Variants in OR2H1 observed in about 807,000 individuals in gnomAD.
The protein encoded by OR2H1 is olfactory receptor 2H1.
For missense variants in OR2H1, 380 were observed against 367.3 expected (o/e 1.03, Z -0.28); for synonymous variants, 155 against 155.2 (o/e 1.00, Z 0.01).
Position 29,462,444 on chromosome 6 carries a change from G to T in OR2H1, c.675G>T (p.Arg225Ser). ...GAGCCACTGCCCAGGCAGTGCTGAG[G>T]ATTAACTCTGCCACAGCATGGAGAA... ...SYGATAQAVL[R>S]INSATAWRKA... The change falls in exon 4 of 4, where the codon AGG (arginine) becomes AGT (serine). Residue 225 changes from arginine (R) to serine (S), a missense_variant. By Grantham distance (110) the Arg-to-Ser change is moderately radical. Transcript: ENST00000377133. The T allele has an allele frequency of 6.2e-7, 1 of 1,613,112 alleles. No individual in the cohort carries two copies. Among genetic ancestry groups the T allele is most frequent in the Non-Finnish European group, 8.5e-7 (1 of 1,180,024 alleles).
Position 29,462,126 on chromosome 6 carries a change from C to T in OR2H1, c.357C>T (p.Asp119=). 6.2e-7 allele frequency: 1 copy of T among 1,613,674 alleles called. No individual in the cohort carries two copies. Among genetic ancestry groups the T allele is most frequent in the African/African-American group, 1.3e-5 (1 of 75,014 alleles). The change falls in exon 4 of 4, where the codon GAC becomes GAT. Residue 119 remains aspartate (D), a synonymous_variant. Transcript: ENST00000377133. ...TCCTCCTGACAGTGATGGCCTTTGA[C>T]CGATACGTGGCTGTCTGCCAGCCCC... ...ECILLTVMAF[D]RYVAVCQPLH...
In OR2H1 at chr6:29,461,834, A is replaced by T; in HGVS notation, c.65A>T (p.Glu22Val). The T allele has an allele frequency of 6.2e-7, 1 of 1,613,040 alleles. No homozygotes were observed. ...LLGFSEHPAL[E>V]RTLFVVVFTS... ...GGCTTCTCTGAACACCCAGCACTGG[A>T]AAGGACTCTCTTTGTGGTTGTCTTC... Residue 22 changes from glutamate (E) to valine (V), a missense_variant, in exon 4 of 4, where the codon GAA (glutamate) becomes GTA (valine). By Grantham distance (121) the Glu-to-Val change is moderately radical (BLOSUM62 -2). Transcript: ENST00000377133.
rs1475108939 is a variant in OR2H1, at chr6:29,464,176, T to A, written c.*1456T>A. ...AAAACTTAGCAAATCTATAATCACA[T>A]GCAAATACACAGAATGGATTGTTAC... On this transcript the variant is annotated 3_prime_UTR_variant, in exon 4 of 4. Coordinates refer to ENST00000377133, the MANE Select transcript of OR2H1 (RefSeq NM_030883.5). The A allele has an allele frequency of 6.0e-6, 1 of 167,072 alleles. No individual in the cohort carries two copies. The highest frequency in any genetic ancestry group is 1.9e-4 in the East Asian group (1 of 5,200). 10.3% of individuals were successfully genotyped at this position (167,072 alleles called of 1,614,324 possible).
At position 29,461,822 on chromosome 6, in the gene OR2H1, A is replaced by C; in HGVS notation, c.53A>C (p.His18Pro). The change falls in exon 4 of 4, where the codon CAC becomes CCC. Residue 18 changes from histidine (H) to proline (P), a missense_variant. Coordinates refer to ENST00000377133, the MANE Select transcript of OR2H1 (RefSeq NM_030883.5). ...TTCCTCCTTCTGGGCTTCTCTGAAC[A>C]CCCAGCACTGGAAAGGACTCTCTTT... ...MGFLLLGFSEHPALERTLFVV... is the reference protein window; with the variant it reads ...MGFLLLGFSEPPALERTLFVV... 1.2e-6 allele frequency: 2 copies of C among 1,612,940 alleles called. No individual in the cohort carries two copies.
chr6:29,457,763 G>A (rs1786599135), intron 1 of OR2H1, among the ~76,000 whole-genome samples: 2 of 152,198 alleles, frequency 1.3e-5, no homozygotes, highest in Non-Finnish European at 2.9e-5. Context: ...TTGAGAGGAA[G>A]GCTGGAAATA....
intron 2 of OR2H1, among the ~76,000 whole-genome samples, chr6:29,459,491 G>A (rs1185819121): frequency 6.6e-6 from 1 of 152,158 alleles, no homozygotes; most frequent in African/African-American, 2.4e-5. Flanking sequence ...TAATGATGGA[G>A]GAAGGAATAT....
Position 29,462,431 on chromosome 6 carries a change from A to C in OR2H1, c.662A>C (p.Gln221Pro), listed in dbSNP as rs1378735932. The change falls in exon 4 of 4, where the codon CAG becomes CCG. Residue 221 changes from glutamine (Q) to proline (P), a missense_variant. Physicochemically the swap from Gln to Pro is moderately conservative, Grantham distance 76. Transcript: ENST00000377133. ...CTTGCCTCTTATGGAGCCACTGCCCAGGCAGTGCTGAGGATTAACTCTGCC... is the reference window on the plus strand; with the variant it reads ...CTTGCCTCTTATGGAGCCACTGCCCCGGCAGTGCTGAGGATTAACTCTGCC... ...LILASYGATA[Q>P]AVLRINSATA... is the part of the protein sequence containing the mutation. 2 of 1,613,114 alleles carry C rather than the reference A, an allele frequency of 1.2e-6. No homozygotes were observed. The highest frequency in any genetic ancestry group is 2.2e-5 in the East Asian group (1 of 44,880).
chr6:29,458,100 AAAG>A (rs1049872953), intron 1 of OR2H1, among the ~76,000 whole-genome samples: 2 of 152,186 alleles, frequency 1.3e-5, no homozygotes, highest in Middle Eastern at 3.2e-3. Context: ...GGATTGAGGA[AAAG>A]AAGTCGTTAG....
rs1442525888 is a variant in OR2H1 at position 29,462,129 on chromosome 6, A to T, written c.360A>T (p.Arg120=). ...CILLTVMAFD[R]YVAVCQPLHY... is the part of the protein sequence containing the mutation. ...TCCTGACAGTGATGGCCTTTGACCG[A>T]TACGTGGCTGTCTGCCAGCCCCTCC... Residue 120 remains arginine (R), a synonymous_variant, in exon 4 of 4, where the codon CGA becomes CGT. Coordinates refer to ENST00000377133, the MANE Select transcript of OR2H1 (RefSeq NM_030883.5). 6.2e-7 allele frequency: 1 copy of T among 1,613,526 alleles called. No homozygotes were observed. Among genetic ancestry groups the T allele is most frequent in the African/African-American group, 1.3e-5 (1 of 74,966 alleles).
At position 29,463,019 on chromosome 6, in the gene OR2H1, A is replaced by T. The variant is rs1261266346; in HGVS notation, c.*299A>T. 1 of 420,762 alleles carries T rather than the reference A, an allele frequency of 2.4e-6. No individual in the cohort carries two copies. The highest frequency in any genetic ancestry group is 4.4e-6 in the Non-Finnish European group (1 of 228,596). The allele number at this position is 420,762 out of a possible 1,614,324, so 26.1% of individuals were successfully genotyped here. ...CTGTCATCACTTCTATAGATTTCCT[A>T]ACTCCACCATGCCTATTTCTGGTTA... On this transcript the variant is annotated 3_prime_UTR_variant, in exon 4 of 4. Transcript: ENST00000377133.
At chr6:29,459,520 G>A (rs1485078042) in intron 2 of OR2H1, among the ~76,000 whole-genome samples, 1 of 152,186 alleles carries the variant, frequency 6.6e-6, no homozygotes, top group Admixed American at 6.5e-5. Context: ...ACAAAAAGGA[G>A]GGAGTCTTGA....
chr6:29,462,036 C>A lies in OR2H1; in HGVS notation c.267C>A (p.Thr89=). Residue 89 remains threonine, a synonymous_variant, in exon 4 of 4, where the codon ACC becomes ACA. Coordinates refer to ENST00000377133, the MANE Select transcript of OR2H1 (RefSeq NM_030883.5). ...TCAACCTCTGGGGCCCAAAGAAGAC[C>A]ATCAGCTTCCTGGGATGCTCTGTCC... The part of the protein sequence containing the change: ...MLVNLWGPKK[T]ISFLGCSVQL... 5.6e-6 allele frequency: 9 copies of A among 1,613,408 alleles called. No individual in the cohort carries two copies. Among genetic ancestry groups the A allele is most frequent in the Non-Finnish European group, 7.6e-6 (9 of 1,180,012 alleles).
Position 29,457,213 on chromosome 6 carries a change from G to A in OR2H1, c.-443+6G>A, listed in dbSNP as rs1786458726. On this transcript the variant is annotated splice_donor_region_variant and intron_variant, in intron 1 of 3. Coordinates refer to ENST00000377133, the MANE Select transcript of OR2H1 (RefSeq NM_030883.5). Reference sequence around the variant, plus strand: ...AGTACAGCTCCCATGCAAAGGTAAGGGAAGTAGGCTCTACTTTGTGAAGGG... The same window carrying A: ...AGTACAGCTCCCATGCAAAGGTAAGAGAAGTAGGCTCTACTTTGTGAAGGG... 6.6e-6 allele frequency: 1 copy of A among 152,154 alleles called. No individual in the cohort carries two copies. Among genetic ancestry groups the A allele is most frequent in the Non-Finnish European group, 1.5e-5 (1 of 68,024 alleles). The allele number at this position is 152,154 out of a possible 1,614,324, so 9.4% of individuals were successfully genotyped here. A position where few individuals can be genotyped will look rare whatever the true frequency, so the allele number is the denominator to read the frequency against.
chr6:29,462,324 C>T lies in OR2H1; in HGVS notation c.555C>T (p.Leu185=), dbSNP rs772213775. ...FLCEVPSLIR[L]SCGDTSYNEI... is the part of the protein sequence containing the mutation. ...GTGAGGTCCCATCTCTGATTCGACT[C>T]TCCTGTGGAGATACCTCCTACAATG... is the stretch of plus-strand genomic sequence containing the variant. The change falls in exon 4 of 4, where the codon CTC becomes CTT. Residue 185 remains leucine (L), a synonymous_variant. Transcript: ENST00000377133. The T allele has an allele frequency of 3.7e-6, 6 of 1,613,182 alleles. No homozygotes were observed. The highest frequency in any genetic ancestry group is 4.2e-6 in the Non-Finnish European group (5 of 1,180,046).
At chr6:29,461,337 A>C (rs2151428058) in intron 3 of OR2H1, 158 bp from the exon 4 acceptor site, 1 of 171,438 alleles carries the variant, frequency 5.8e-6, no homozygotes, top group South Asian at 1.7e-4. Context: ...CAATTCTATC[A>C]AATGATTCTT....
At position 29,462,970 on chromosome 6, in the gene OR2H1, C is replaced by A. The variant is rs1787505392; in HGVS notation, c.*250C>A. On this transcript the variant is annotated 3_prime_UTR_variant, in exon 4 of 4. Transcript: ENST00000377133. ...CTATCACTGTCCATTCTTAATATTT[C>A]TATCCTCCATTCTGTTCTTTTTACT... The A allele has an allele frequency of 1.9e-6, 1 of 537,856 alleles. No individual in the cohort carries two copies. Among genetic ancestry groups the A allele is most frequent in the African/African-American group, 1.9e-5 (1 of 53,068 alleles). 33.3% of individuals were successfully genotyped at this position (537,856 alleles called of 1,614,324 possible).
rs1258802293 is a variant in OR2H1, at chr6:29,464,167, A to G, written c.*1447A>G. ...GGAGGAACTAAAACTTAGCAAATCT[A>G]TAATCACATGCAAATACACAGAATG... On this transcript the variant is annotated 3_prime_UTR_variant, in exon 4 of 4. Coordinates refer to ENST00000377133, the MANE Select transcript of OR2H1 (RefSeq NM_030883.5). 1 of 167,114 alleles carries G rather than the reference A, an allele frequency of 6.0e-6. No homozygotes were observed. Among genetic ancestry groups the G allele is most frequent in the African/African-American group, 2.4e-5 (1 of 41,474 alleles). The allele number at this position is 167,114 out of a possible 1,614,324, so 10.4% of individuals were successfully genotyped here.
rs745824814 is a variant in OR2H1 at position 29,461,791 on chromosome 6, A to G, written c.22A>G (p.Met8Val). Residue 8 changes from methionine (M) to valine (V), a missense_variant, in exon 4 of 4, where the codon ATG (methionine) becomes GTG (valine). Physicochemically the swap from Met to Val is conservative, Grantham distance 21. Coordinates refer to ENST00000377133, the MANE Select transcript of OR2H1 (RefSeq NM_030883.5). MVNQSSP[M>V]GFLLLGFSEH... ...GGCCATGGTTAACCAAAGCTCCCCC[A>G]TGGGCTTCCTCCTTCTGGGCTTCTC... is the stretch of plus-strand genomic sequence containing the variant. The G allele has an allele frequency of 4.3e-6, 7 of 1,612,824 alleles. No homozygotes were observed. The highest frequency in any genetic ancestry group is 5.9e-6 in the Non-Finnish European group (7 of 1,179,908).
At chr6:29,458,160 G>C (rs1365314921) in intron 1 of OR2H1, among the ~76,000 whole-genome samples, 1 of 152,248 alleles carries the variant, frequency 6.6e-6, no homozygotes, top group Non-Finnish European at 1.5e-5. Context: ...GTGTCTGGCA[G>C]AGCAATGGTG....
Sources: allele counts gnomAD v4.1 joint callset (sites outside exome capture counted in the v4.1 genomes callset), GRCh38; gene constraint gnomAD v4.1.1; transcripts MANE v1.5; gene names NCBI Gene and HGNC (gene_info 2026-07-23, HGNC 2026-07-21).